Variants in KIAA0319 observed in about 807,000 individuals in gnomAD.
KIAA0319 encodes KIAA0319.
A neutral mutation model predicts 108.4 loss-of-function variants in KIAA0319; 83 were observed. The observed-to-expected ratio is 0.77, with a 90% CI of 0.64 to 0.92. KIAA0319 has a LOEUF of 0.92. KIAA0319 is among the 40% of genes least tolerant of loss of function. KIAA0319 has a pLI of 0.00. For synonymous variants in KIAA0319, 484 were observed against 510.4 expected, an observed-to-expected ratio of 0.95 and a Z score of 0.70; for missense variants, 1,195 against 1,322.4, an observed-to-expected ratio of 0.90 and a Z score of 1.49.
chr6:24,561,812 C>T (rs1365163747), intron 16 of KIAA0319, among the ~76,000 whole-genome samples: 1 of 152,144 alleles, frequency 6.6e-6, no homozygotes, highest in Non-Finnish European at 1.5e-5. Context: ...AAGCAATTAT[C>T]CTGCCTCAGC....
Position 24,559,072 on chromosome 6 carries a change from C to T in KIAA0319, c.2675G>A (p.Arg892Gln), listed in dbSNP as rs141240086. ...GAAGTCAGCCTTCTCCTTTGAGAGC[C>T]GCATGTGCAGATTTCGGGCCACTTC... is the stretch of plus-strand genomic sequence containing the variant. ...AAEVARNLHM[R>Q]LSKEKADFLL... is the part of the protein sequence containing the mutation. The change falls in exon 17 of 21, where the codon CGG becomes CAG. Residue 892 changes from arginine to glutamine, a missense_variant. Transcript: ENST00000378214. 1,704 of 1,613,634 alleles carry T rather than the reference C, an allele frequency of 1.1e-3. 3 individuals are homozygous for T. Among genetic ancestry groups the T allele is most frequent in the Non-Finnish European group, 1.4e-3 (1,602 of 1,179,904 alleles).
At chr6:24,606,206 G>C (rs918583502) in intron 1 of KIAA0319, among the ~76,000 whole-genome samples, 3 of 152,104 alleles carry the variant, frequency 2.0e-5, no homozygotes, top group Non-Finnish European at 4.4e-5. Context: ...CAAAGTGTTG[G>C]GATTATAGGC....
rs972891302 is a variant in KIAA0319, at chr6:24,568,736, C to T, written c.2140+45G>A. 14 of 1,583,118 alleles carry T rather than the reference C, an allele frequency of 8.8e-6. No individual in the cohort carries two copies. In the East Asian group the frequency reaches 1.1e-4, roughly 13 times the overall value. ...GGCCTGGCTGAGGGTCCTGCAGACTCGAAAGCAGAGCAGGCCCAGCCCTGT... is the reference window on the plus strand; with the variant it reads ...GGCCTGGCTGAGGGTCCTGCAGACTTGAAAGCAGAGCAGGCCCAGCCCTGT... On this transcript the variant is annotated intron_variant, in intron 13 of 20. Coordinates refer to ENST00000378214, the MANE Select transcript of KIAA0319 (RefSeq NM_014809.4).
chr6:24,541,656 G>A (rs182444376), downstream of KIAA0319, among the ~76,000 whole-genome samples: 32 of 151,668 alleles, frequency 2.1e-4, no homozygotes, highest in Admixed American at 7.2e-4. Flanking sequence ...AAATTAGCCC[G>A]TCATGGTGGT....
chr6:24,579,412 G>GATAGATATATATATATATAT (rs1554157110), intron 8 of KIAA0319, among the ~76,000 whole-genome samples: 3 of 127,254 alleles, frequency 2.4e-5, no homozygotes, highest in African/African-American at 9.6e-5. Context: ...TCTATATAAA[G>GATAGATATATATATATATAT]ATATATATAT....
At chr6:24,590,508 C>A (rs915239303) in intron 3 of KIAA0319, among the ~76,000 whole-genome samples, 13 of 152,072 alleles carry the variant, frequency 8.5e-5, no homozygotes, top group African/African-American at 3.1e-4. Flanking sequence ...AAGAATAGCA[C>A]GAAATTCAAA....
intron 9 of KIAA0319, 72 bp downstream of exon 9, chr6:24,578,038 A>G: frequency 6.8e-7 from 1 of 1,465,696 alleles, no homozygotes; most frequent in South Asian, 1.4e-5. Flanking sequence ...GCAGTGTTTT[A>G]TGTGCGTTAA....
In KIAA0319 at chr6:24,583,653, G is replaced by T. The variant is rs200254558; in HGVS notation, c.1044C>A (p.Pro348=). The T allele has an allele frequency of 3.1e-5, 50 of 1,613,658 alleles. No individual in the cohort carries two copies. Among genetic ancestry groups the T allele is most frequent in the Non-Finnish European group, 4.1e-5 (48 of 1,179,830 alleles). ...AGGCCTTCAGTTCAACTTCATTGTCGGGTAAAGTTATAATTAGGTTATCTC... is the reference window on the plus strand; with the variant it reads ...AGGCCTTCAGTTCAACTTCATTGTCTGGTAAAGTTATAATTAGGTTATCTC... ...SAGDNLIITL[P]DNEVELKAFV... is the part of the protein sequence containing the mutation. The change falls in exon 5 of 21, where the codon CCC becomes CCA. Residue 348 remains proline (P), a synonymous_variant. Transcript: ENST00000378214.
In KIAA0319 at chr6:24,631,272, G is replaced by A. The variant is rs147620748; in HGVS notation, c.-106+14464C>T. ...CGCCAAGGCAGCCTTCAGCTTCAGC[G>A]GTGAATGCAGGCCATGGGTCTACCT... On this transcript the variant is annotated intron_variant, in intron 1 of 20. Coordinates refer to ENST00000378214, the MANE Select transcript of KIAA0319 (RefSeq NM_014809.4). 2.8e-4 allele frequency among the ~76,000 whole-genome samples: 42 copies of A among 152,308 alleles called. 1 individual carries two copies. The highest frequency in any genetic ancestry group is 9.4e-4 in the African/African-American group (39 of 41,558).
intron 1 of KIAA0319, among the ~76,000 whole-genome samples, chr6:24,640,973 T>C (rs1269694331): frequency 2.6e-5 from 4 of 152,140 alleles, no homozygotes; most frequent in Non-Finnish European, 5.9e-5. Flanking sequence ...CATTTTTAAA[T>C]ATACAATTTA....
At chr6:24,549,109 G>T (rs1004274899) in intron 20 of KIAA0319, among the ~76,000 whole-genome samples, 1 of 151,780 alleles carries the variant, frequency 6.6e-6, no homozygotes, top group Non-Finnish European at 1.5e-5. Context: ...ATCACTTGAC[G>T]TCAGGAGTTC....
intron 18 of KIAA0319, among the ~76,000 whole-genome samples, chr6:24,555,354 G>A (rs933478820): frequency 6.6e-6 from 1 of 152,034 alleles, no homozygotes; most frequent in East Asian, 1.9e-4. Context: ...AAAATTAGCT[G>A]GACATGATGG....
At chr6:24,639,864 T>G (rs1287971223) in intron 1 of KIAA0319, among the ~76,000 whole-genome samples, 2 of 110,618 alleles carry the variant, frequency 1.8e-5, no homozygotes, top group Non-Finnish European at 3.8e-5. Context: ...AAAAAAAAAG[T>G]GCTGAACAGC....
intron 1 of KIAA0319, among the ~76,000 whole-genome samples, chr6:24,605,239 T>G (rs890081873): frequency 1.1e-4 from 16 of 152,348 alleles, no homozygotes; most frequent in African/African-American, 3.8e-4. Flanking sequence ...TGTTTCTGAG[T>G]TAGGAGTTCT....
chr6:24,569,816 T>A, intron 12 of KIAA0319, 87 bp downstream of exon 12: 1 of 1,491,258 alleles, frequency 6.7e-7, no homozygotes, highest in Non-Finnish European at 9.1e-7. Context: ...ATGCGCAAGC[T>A]GATTGTTTAC....
chr6:24,577,980 A>T, intron 9 of KIAA0319, 130 bp downstream of exon 9: 1 of 883,500 alleles, frequency 1.1e-6, no homozygotes. Context: ...GCGGCATGCA[A>T]CCAAAACCCC....
intron 20 of KIAA0319, among the ~76,000 whole-genome samples, chr6:24,548,333 G>T (rs2760181): frequency 0.08 from 12,153 of 152,164 alleles, 679 homozygotes; most frequent in African/African-American, 0.15. Context: ...TAGAGAGGGG[G>T]TCTTGCCAAC....
intron 16 of KIAA0319, 145 bp from the exon 17 acceptor site, chr6:24,559,300 G>A: frequency 1.3e-6 from 1 of 773,964 alleles, no homozygotes; most frequent in Non-Finnish European, 2.0e-6. Flanking sequence ...GTATCTGTGA[G>A]CCAAGGAATT....
In KIAA0319 at chr6:24,566,890, T is replaced by C. The variant is rs73727986; in HGVS notation, c.2141-142A>G. 1.3e-3 allele frequency: 881 copies of C among 655,404 alleles called. 8 individuals are homozygous for C. In the African/African-American group the frequency reaches 0.014, roughly 10 times the overall value. 40.6% of individuals were successfully genotyped at this position (655,404 alleles called of 1,614,324 possible). On this transcript the variant is annotated intron_variant, in intron 13 of 20. Coordinates refer to ENST00000378214, the MANE Select transcript of KIAA0319 (RefSeq NM_014809.4). ...TAAAATATCCAAAAAGGCATTTTTT[T>C]CCCCAGATGCATATAAGATACAGAC...
Sources: allele counts gnomAD v4.1 joint callset (sites outside exome capture counted in the v4.1 genomes callset), GRCh38; gene constraint gnomAD v4.1.1; transcripts MANE v1.5; gene names NCBI Gene and HGNC (gene_info 2026-07-23, HGNC 2026-07-21).